VIT: variants seen among roughly 807,000 people sequenced by gnomAD.
VIT encodes vitrin.
In VIT, 99 loss-of-function variants were observed where a neutral mutation model predicts 78.0. That is an observed-to-expected ratio of 1.27 (90% CI 1.08 to 1.50). VIT has a LOEUF of 1.50. Ranked by LOEUF, VIT falls within the 40% of genes most tolerant of loss-of-function variation. The probability of loss-of-function intolerance (pLI) is 0.00; values close to 1 mark genes in which losing one functional copy is unlikely to be tolerated. For missense variants in VIT, 1,126 were observed against 875.3 expected (o/e 1.29, Z -3.61); for synonymous variants, 374 against 334.3 (o/e 1.12, Z -1.29).
intron 9 of VIT, among the ~76,000 whole-genome samples, chr2:36,780,317 C>T (rs1354579481): frequency 6.6e-6 from 1 of 152,022 alleles, no homozygotes; most frequent in Non-Finnish European, 1.5e-5. Flanking sequence ...AAGAGTGCAT[C>T]GGAAGAAGGA....
At chr2:36,799,640 C>T (rs1364541054) in intron 12 of VIT, among the ~76,000 whole-genome samples, 2 of 151,592 alleles carry the variant, frequency 1.3e-5, no homozygotes, top group African/African-American at 4.9e-5. Flanking sequence ...ATGCTTGAGC[C>T]CAGGAAGTTG....
chr2:36,813,763 C>T (rs1482707993), intron 15 of VIT, among the ~76,000 whole-genome samples: 1 of 152,164 alleles, frequency 6.6e-6, no homozygotes, highest in Non-Finnish European at 1.5e-5. Context: ...TTGGCTCTTC[C>T]CACTGGTAGA....
chr2:36,701,404 C>T (rs559846445), intron 1 of VIT, among the ~76,000 whole-genome samples: 39 of 152,330 alleles, frequency 2.6e-4, no homozygotes, highest in African/African-American at 9.4e-4. Context: ...CAGAAAGAAT[C>T]ATGCTTCCTT....
intron 1 of VIT, among the ~76,000 whole-genome samples, chr2:36,703,690 GT>G (rs1174176238): frequency 6.6e-6 from 1 of 152,128 alleles, no homozygotes; most frequent in Non-Finnish European, 1.5e-5. Context: ...ATTATAGAAG[GT>G]ATGTACTTTA....
chr2:36,813,639 G>C (rs749808573), intron 15 of VIT, among the ~76,000 whole-genome samples: 4 of 152,142 alleles, frequency 2.6e-5, no homozygotes, highest in Non-Finnish European at 5.9e-5. Flanking sequence ...AATGAGGTTG[G>C]ATTCAATGGT....
At chr2:36,788,145 A>T (rs1665236077) in intron 12 of VIT, 1 of 221,870 alleles carries the variant, frequency 4.5e-6, no homozygotes, top group Non-Finnish European at 9.0e-6. Flanking sequence ...CATGCCTTCT[A>T]CAAAGGACCA....
At chr2:36,772,291 C>T (rs1278116879) in intron 7 of VIT, among the ~76,000 whole-genome samples, 3 of 152,070 alleles carry the variant, frequency 2.0e-5, no homozygotes. Context: ...AATCCCAACA[C>T]TTCGGGAGGC....
At chr2:36,801,147 C>T (rs1666293944) in intron 12 of VIT, 154 bp from the exon 13 acceptor site, 3 of 712,984 alleles carry the variant, frequency 4.2e-6, no homozygotes, top group East Asian at 2.5e-5. Flanking sequence ...CTTTTCTCTA[C>T]ACACACCAGT....
intron 12 of VIT, among the ~76,000 whole-genome samples, chr2:36,799,004 C>T (rs1666117293): frequency 6.6e-6 from 1 of 152,166 alleles, no homozygotes; most frequent in African/African-American, 2.4e-5. Context: ...TGTTTAGTCC[C>T]AACCATAGAA....
At chr2:36,795,350 A>T (rs1665804420) in intron 12 of VIT, among the ~76,000 whole-genome samples, 1 of 83,306 alleles carries the variant, frequency 1.2e-5, no homozygotes, top group South Asian at 3.7e-4. Context: ...GCCTTATTTT[A>T]TTTTATTTTA....
At chr2:36,701,269 T>A (rs770461177) in intron 1 of VIT, among the ~76,000 whole-genome samples, 8 of 152,100 alleles carry the variant, frequency 5.3e-5, no homozygotes, top group Non-Finnish European at 1.2e-4. Context: ...AAAAGCTGAC[T>A]AGGGGGAGTT....
At chr2:36,796,328 T>C in intron 12 of VIT, among the ~76,000 whole-genome samples, 1 of 152,220 alleles carries the variant, frequency 6.6e-6, no homozygotes, top group East Asian at 1.9e-4. Flanking sequence ...TTATATATTG[T>C]TCTGTTGATG....
intron 12 of VIT, among the ~76,000 whole-genome samples, chr2:36,798,156 C>G (rs1485808577): frequency 6.6e-6 from 1 of 152,072 alleles, no homozygotes; most frequent in Non-Finnish European, 1.5e-5. Flanking sequence ...CTTTGAAAGC[C>G]AAAACATCAA....
chr2:36,730,683 T>C (rs1317202063), intron 3 of VIT, among the ~76,000 whole-genome samples: 1 of 152,208 alleles, frequency 6.6e-6, no homozygotes, highest in Non-Finnish European at 1.5e-5. Flanking sequence ...GTTCCTGAGC[T>C]CTTGTACCAT....
chr2:36,784,190 G>A (rs893157437), intron 11 of VIT, among the ~76,000 whole-genome samples: 3 of 152,190 alleles, frequency 2.0e-5, no homozygotes, highest in Admixed American at 6.5e-5. Flanking sequence ...CATAGTAGTA[G>A]CCTGCAAGGT....
At chr2:36,796,921 T>C (rs1286274879) in intron 12 of VIT, among the ~76,000 whole-genome samples, 1 of 152,208 alleles carries the variant, frequency 6.6e-6, no homozygotes, top group Admixed American at 6.5e-5. Context: ...ACAAATCATT[T>C]TCAAATGTAA....
chr2:36,734,622 G>C (rs996261997), intron 3 of VIT, among the ~76,000 whole-genome samples: 8 of 152,162 alleles, frequency 5.3e-5, no homozygotes, highest in Non-Finnish European at 1.2e-4. Context: ...TGTCTTCCTT[G>C]GACTTGGCTT....
At chr2:36,780,513 C>A (rs1304836525) in intron 9 of VIT, among the ~76,000 whole-genome samples, 1 of 152,124 alleles carries the variant, frequency 6.6e-6, no homozygotes, top group African/African-American at 2.4e-5. Flanking sequence ...GACTATCTTG[C>A]CCAATCTGCT....
At chr2:36,781,619 A>G (rs997985810) in intron 9 of VIT, 108 bp from the exon 10 acceptor site, 1 of 1,268,068 alleles carries the variant, frequency 7.9e-7, no homozygotes, top group Non-Finnish European at 1.1e-6. Flanking sequence ...TCCTTTATTG[A>G]ACTTTCAGAC....
Sources: allele counts gnomAD v4.1 joint callset (sites outside exome capture counted in the v4.1 genomes callset), GRCh38; gene constraint gnomAD v4.1.1; transcripts MANE v1.5; gene names NCBI Gene and HGNC (gene_info 2026-07-23, HGNC 2026-07-21).